TBCE: variants seen among roughly 807,000 people sequenced by gnomAD.
TBCE encodes tubulin-specific chaperone E.
A neutral mutation model predicts 77.0 loss-of-function variants in TBCE; 53 were observed. The ratio of observed to expected loss-of-function variants is 0.69; its 90% CI spans 0.55 to 0.87. TBCE has a LOEUF of 0.87. TBCE is among the 40% of genes least tolerant of loss of function. The pLI, the probability that TBCE is intolerant of heterozygous loss-of-function variation, is 0.00. For synonymous variants in TBCE, 235 were observed against 241.3 expected, an observed-to-expected ratio of 0.97 and a Z score of 0.24; for missense variants, 624 against 622.4, an observed-to-expected ratio of 1.00 and a Z score of -0.03.
At chr1:235,438,743 C>A (rs1294477840) in intron 12 of TBCE, 26 bp from the exon 13 acceptor site, 2 of 1,613,938 alleles carry the variant, frequency 1.2e-6, no homozygotes, top group African/African-American at 1.3e-5. Flanking sequence ...TTGTAATAGG[C>A]TTGTTTTTAT....
At chr1:235,419,954 G>A (rs1046253464) in intron 5 of TBCE, among the ~76,000 whole-genome samples, 8 of 152,068 alleles carry the variant, frequency 5.3e-5, no homozygotes, top group African/African-American at 1.4e-4. Flanking sequence ...GTGTGGTGGC[G>A]TGTGCCTGTA....
intron 3 of TBCE, among the ~76,000 whole-genome samples, chr1:235,408,128 G>A (rs924982515): frequency 6.6e-6 from 1 of 152,146 alleles, no homozygotes; most frequent in Non-Finnish European, 1.5e-5. Context: ...GGACATCTTA[G>A]GAAATGGATG....
chr1:235,382,330 A>C (rs1055895049), intron 2 of TBCE, among the ~76,000 whole-genome samples: 1 of 152,186 alleles, frequency 6.6e-6, no homozygotes, highest in Non-Finnish European at 1.5e-5. Flanking sequence ...GTATATACCC[A>C]GTAATGGGAT....
chr1:235,442,984 AC>A lies in TBCE; in HGVS notation c.1399+75del, dbSNP rs1051681540. The stretch of plus-strand genomic sequence containing the variant: ...TAGGTATGAGTCAGCTAAAATTAAA[AC>A]CTTTAACTCATGTCTCAAAGTGTGG... On this transcript the variant is annotated intron_variant, in intron 15 of 16. Coordinates refer to ENST00000642610, the MANE Select transcript of TBCE (RefSeq NM_003193.5). 21 of 1,462,154 alleles carry A rather than the reference AC, an allele frequency of 1.4e-5. No homozygotes were observed. The African/African-American group carries it at 2.8e-4, about 19-fold the overall frequency. The allele number at this position is 1,462,154 out of a possible 1,614,324, so 90.6% of individuals were successfully genotyped here.
At chr1:235,447,511 T>C (rs1682449603) in intron 15 of TBCE, among the ~76,000 whole-genome samples, 1 of 152,144 alleles carries the variant, frequency 6.6e-6, no homozygotes, top group Non-Finnish European at 1.5e-5. Flanking sequence ...GTATGTTTAA[T>C]ACAGTTACAC....
At chr1:235,425,092 T>A (rs993298237) in intron 5 of TBCE, among the ~76,000 whole-genome samples, 1 of 152,152 alleles carries the variant, frequency 6.6e-6, no homozygotes, top group Non-Finnish European at 1.5e-5. Context: ...CTGGCACTCC[T>A]CCACGGCCTG....
At chr1:235,443,238 G>A (rs1344018637) in intron 15 of TBCE, among the ~76,000 whole-genome samples, 1 of 151,578 alleles carries the variant, frequency 6.6e-6, no homozygotes, top group Non-Finnish European at 1.5e-5. Context: ...GCCTCACTCT[G>A]TCACCCAGGT....
At position 235,442,881 on chromosome 1, in the gene TBCE, G is replaced by C. The variant is rs746647958; in HGVS notation, c.1369G>C (p.Asp457His). 1.9e-6 allele frequency: 3 copies of C among 1,613,876 alleles called. No individual in the cohort carries two copies. The highest frequency in any genetic ancestry group is 1.3e-5 in the African/African-American group (1 of 74,882). Residue 457 changes from aspartate (D) to histidine (H), a missense_variant, in exon 15 of 17, where the codon GAT becomes CAT. Asp to His is a moderately conservative substitution (Grantham distance 81). Coordinates refer to ENST00000642610, the MANE Select transcript of TBCE (RefSeq NM_003193.5). ...TLKIKYPHQL[D>H]QKVLEKQLPG... is the part of the protein sequence containing the mutation. ...GAAGATAAAATACCCTCATCAACTTGATCAGAAAGTCCTGGAGAAACAACT... is the reference window on the plus strand; with the variant it reads ...GAAGATAAAATACCCTCATCAACTTCATCAGAAAGTCCTGGAGAAACAACT...
At chr1:235,416,026 G>A (rs2102885704) in intron 4 of TBCE, 1 of 152,142 alleles carries the variant, frequency 6.6e-6, no homozygotes, top group South Asian at 2.1e-4. Flanking sequence ...ACAATTAGCT[G>A]GGTGTGGTGG....
chr1:235,395,783 G>A (rs758632392), intron 2 of TBCE, among the ~76,000 whole-genome samples: 10 of 151,504 alleles, frequency 6.6e-5, no homozygotes, highest in Non-Finnish European at 7.4e-5. Flanking sequence ...GACCTCAGGT[G>A]ATCCACCTGC....
At chr1:235,385,465 G>A (rs1677942388) in intron 2 of TBCE, among the ~76,000 whole-genome samples, 1 of 151,918 alleles carries the variant, frequency 6.6e-6, no homozygotes, top group Admixed American at 6.6e-5. Flanking sequence ...TCTCTTTGTA[G>A]GTCACTGAGG....
chr1:235,367,863 C>T (rs542113044), intron 1 of TBCE, among the ~76,000 whole-genome samples: 28 of 152,188 alleles, frequency 1.8e-4, no homozygotes, highest in Non-Finnish European at 2.6e-4. Flanking sequence ...TTGGTGATGA[C>T]AGAGAAATAA....
intron 2 of TBCE, among the ~76,000 whole-genome samples, chr1:235,385,908 G>T (rs1178489159): frequency 4.6e-5 from 7 of 152,216 alleles, no homozygotes; most frequent in African/African-American, 1.7e-4. Flanking sequence ...GTTTCTTCCA[G>T]CCTTGATGGT....
chr1:235,437,604 G>A, intron 12 of TBCE, 130 bp downstream of exon 12: 3 of 1,089,224 alleles, frequency 2.8e-6, no homozygotes, highest in Non-Finnish European at 4.0e-6. Flanking sequence ...TGCAGTCCAG[G>A]AGTTTGAGAC....
At chr1:235,441,593 A>C in intron 13 of TBCE, 1 of 567,410 alleles carries the variant, frequency 1.8e-6, no homozygotes, top group African/African-American at 1.9e-5. Flanking sequence ...GAGCTAGATA[A>C]GCTACAGAGT....
At chr1:235,385,284 G>GTATA (rs889448438) in intron 2 of TBCE, among the ~76,000 whole-genome samples, 2 of 152,106 alleles carry the variant, frequency 1.3e-5, no homozygotes, top group Admixed American at 6.6e-5. Flanking sequence ...TGAAAAAAAT[G>GTATA]TATATTCTGT....
In TBCE at chr1:235,450,109, C is replaced by T; in HGVS notation, c.*1347C>T. ...GCCAGTCTGGAACTCTCTTGAAAGA[C>T]CATACAGTCTACTGCTAAACCCTGG... On this transcript the variant is annotated 3_prime_UTR_variant, in exon 17 of 17. Transcript: ENST00000642610. 6.9e-7 allele frequency: 1 copy of T among 1,444,802 alleles called. No individual in the cohort carries two copies. Among genetic ancestry groups the T allele is most frequent in the Non-Finnish European group, 9.6e-7 (1 of 1,041,716 alleles). 89.5% of individuals were successfully genotyped at this position (1,444,802 alleles called of 1,614,324 possible).
rs541697587 is a variant in TBCE at position 235,450,264 on chromosome 1, G to A, written c.*1502G>A. On this transcript the variant is annotated 3_prime_UTR_variant, in exon 17 of 17. Coordinates refer to ENST00000642610, the MANE Select transcript of TBCE (RefSeq NM_003193.5). ...CCGTTCCTTCAGTTTCCACAGTTCC[G>A]TCAGTTCCCACGGAGAATACTGAGG... 26 of 1,613,984 alleles carry A rather than the reference G, an allele frequency of 1.6e-5. No individual in the cohort carries two copies. Among genetic ancestry groups the A allele is most frequent in the South Asian group, 6.6e-5 (6 of 91,072 alleles).
chr1:235,438,935 AC>A lies in TBCE; in HGVS notation c.1270+14del. 6.2e-7 allele frequency: 1 copy of A among 1,614,128 alleles called. No individual in the cohort carries two copies. Among genetic ancestry groups the A allele is most frequent in the Non-Finnish European group, 8.5e-7 (1 of 1,180,020 alleles). ...TTCCTCTGCCTGAGTACGTGCGTAT[AC>A]ACTGGTGGCCTTCAGGTGGTGGATT... is the stretch of plus-strand genomic sequence containing the variant. On this transcript the variant is annotated intron_variant, in intron 13 of 16. Transcript: ENST00000642610.
Sources: allele counts gnomAD v4.1 joint callset (sites outside exome capture counted in the v4.1 genomes callset), GRCh38; gene constraint gnomAD v4.1.1; transcripts MANE v1.5; gene names NCBI Gene and HGNC (gene_info 2026-07-23, HGNC 2026-07-21).